Variants in SDCCAG8 observed in about 807,000 individuals in gnomAD.
SDCCAG8 encodes serologically defined colon cancer antigen 8.
Under a neutral mutation model 101.8 loss-of-function variants are expected in SDCCAG8, and 74 were observed. The observed-to-expected ratio is 0.73, with a 90% confidence interval of 0.60 to 0.88. The LOEUF (loss-of-function observed/expected upper bound fraction) is 0.88. SDCCAG8 is among the 40% of genes least tolerant of loss of function. The pLI, the probability that SDCCAG8 is intolerant of heterozygous loss-of-function variation, is 0.00. For missense variants in SDCCAG8, 787 were observed against 822.6 expected (o/e 0.96, Z 0.53); for synonymous variants, 281 against 292.9 (o/e 0.96, Z 0.41).
intron 16 of SDCCAG8, among the ~76,000 whole-genome samples, chr1:243,478,772 C>T (rs1489755211): frequency 1.4e-4 from 22 of 151,934 alleles, no homozygotes; most frequent in South Asian, 4.1e-4. Flanking sequence ...TCCTGGCCAA[C>T]GTGGTTAAAC....
At chr1:243,358,293 T>G (rs1479069100) in intron 12 of SDCCAG8, among the ~76,000 whole-genome samples, 1 of 152,160 alleles carries the variant, frequency 6.6e-6, no homozygotes, top group Non-Finnish European at 1.5e-5. Flanking sequence ...GAATAGACTT[T>G]TTTTAAAGAA....
intron 4 of SDCCAG8, among the ~76,000 whole-genome samples, chr1:243,280,523 C>G (rs1387192001): frequency 6.6e-6 from 1 of 152,086 alleles, no homozygotes; most frequent in Non-Finnish European, 1.5e-5. Context: ...AAAGTAGAAG[C>G]TTAGATTATT....
At chr1:243,461,411 G>A (rs1169204225) in intron 16 of SDCCAG8, among the ~76,000 whole-genome samples, 1 of 152,196 alleles carries the variant, frequency 6.6e-6, no homozygotes, top group Non-Finnish European at 1.5e-5. Flanking sequence ...AGGTCCCCAT[G>A]AATTCTGTTT....
chr1:243,390,687 C>T (rs2147942309), intron 13 of SDCCAG8, among the ~76,000 whole-genome samples: 1 of 152,302 alleles, frequency 6.6e-6, no homozygotes, highest in African/African-American at 2.4e-5. Flanking sequence ...ATGGTGGCAG[C>T]GGCAGCCAAC....
chr1:243,270,947 G>C, intron 2 of SDCCAG8, 31 bp from the exon 3 acceptor site: 2 of 1,509,796 alleles, frequency 1.3e-6, no homozygotes, highest in African/African-American at 1.4e-5. Context: ...TCTCAAATAA[G>C]GTTAATAAAC....
At chr1:243,496,972 G>A (rs1422995789) in intron 17 of SDCCAG8, among the ~76,000 whole-genome samples, 1 of 152,214 alleles carries the variant, frequency 6.6e-6, no homozygotes, top group East Asian at 1.9e-4. Flanking sequence ...CCTCTGAGCT[G>A]CAGGACAGCC....
chr1:243,305,317 A>C (rs968050076), intron 7 of SDCCAG8: 1 of 152,046 alleles, frequency 6.6e-6, no homozygotes, highest in East Asian at 1.9e-4. Context: ...AAAGAAAAAA[A>C]AAAAAAAGAA....
At chr1:243,299,787 C>T (rs532025107) in intron 6 of SDCCAG8, among the ~76,000 whole-genome samples, 12 of 152,118 alleles carry the variant, frequency 7.9e-5, no homozygotes, top group Non-Finnish European at 1.6e-4. Context: ...AGTTTAAATA[C>T]ACCATCTTGC....
chr1:243,268,572 A>G (rs1224324458), intron 1 of SDCCAG8, among the ~76,000 whole-genome samples: 1 of 152,248 alleles, frequency 6.6e-6, no homozygotes, highest in East Asian at 1.9e-4. Flanking sequence ...ATAGTTGAGT[A>G]ATAGAATTTC....
chr1:243,399,588 C>T (rs1334854882), intron 13 of SDCCAG8, among the ~76,000 whole-genome samples: 1 of 151,996 alleles, frequency 6.6e-6, no homozygotes, highest in African/African-American at 2.4e-5. Context: ...CTTACTGCAA[C>T]CTCCGCCTCC....
chr1:243,436,884 T>C (rs2082168962), intron 16 of SDCCAG8, among the ~76,000 whole-genome samples: 2 of 152,196 alleles, frequency 1.3e-5, no homozygotes, highest in African/African-American at 2.4e-5. Context: ...CACCTATCTG[T>C]GGAAAGGTCT....
chr1:243,468,766 T>A (rs970598952), intron 16 of SDCCAG8, among the ~76,000 whole-genome samples: 7 of 152,212 alleles, frequency 4.6e-5, no homozygotes, highest in Non-Finnish European at 1.0e-4. Context: ...GCTCAATACA[T>A]ATTGTTTATT....
At chr1:243,421,335 G>A (rs1165128436) in intron 15 of SDCCAG8, among the ~76,000 whole-genome samples, 1 of 152,154 alleles carries the variant, frequency 6.6e-6, no homozygotes, top group Non-Finnish European at 1.5e-5. Context: ...GCAGAATGAC[G>A]GGAAAGCTGA....
intron 16 of SDCCAG8, among the ~76,000 whole-genome samples, chr1:243,469,203 C>T (rs1344406658): frequency 6.6e-6 from 1 of 152,168 alleles, no homozygotes; most frequent in Non-Finnish European, 1.5e-5. Flanking sequence ...GAATTGGACT[C>T]ATATTATCTA....
intron 13 of SDCCAG8, among the ~76,000 whole-genome samples, chr1:243,412,719 A>C (rs566780708): frequency 6.6e-6 from 1 of 152,190 alleles, no homozygotes; most frequent in Non-Finnish European, 1.5e-5. Context: ...CCTGCTCTAG[A>C]GTATTATAAA....
intron 16 of SDCCAG8, among the ~76,000 whole-genome samples, chr1:243,436,199 T>C (rs1183302367): frequency 1.4e-5 from 2 of 147,664 alleles, no homozygotes; most frequent in African/African-American, 5.0e-5. Context: ...AGTGGCAAGG[T>C]TTTTTGTGAA....
chr1:243,444,450 C>T (rs1234249338), intron 16 of SDCCAG8, among the ~76,000 whole-genome samples: 2 of 151,766 alleles, frequency 1.3e-5, no homozygotes, highest in African/African-American at 4.8e-5. Context: ...TGGCTCACTG[C>T]AACCTTCACC....
At chr1:243,442,834 TG>T (rs759586187) in intron 16 of SDCCAG8, among the ~76,000 whole-genome samples, 7 of 152,252 alleles carry the variant, frequency 4.6e-5, no homozygotes, top group Non-Finnish European at 7.3e-5. Context: ...TTTAAATGTT[TG>T]GCTGTGTACC....
At chr1:243,306,135 T>TA (rs2072101996) in intron 7 of SDCCAG8, 1 of 151,254 alleles carries the variant, frequency 6.6e-6, no homozygotes, top group Non-Finnish European at 1.5e-5. Context: ...GCTTTCACTG[T>TA]ACATGGTTGT....
Sources: allele counts gnomAD v4.1 joint callset (sites outside exome capture counted in the v4.1 genomes callset), GRCh38; gene constraint gnomAD v4.1.1; transcripts MANE v1.5; gene names NCBI Gene and HGNC (gene_info 2026-07-23, HGNC 2026-07-21).